The following HDAC8 variants were observed in gnomAD, a reference collection of about 807,000 sequenced individuals.
HDAC8 encodes the protein histone deacetylase 8, also known as histone deacetylase-like 1.
In HDAC8, 1 loss-of-function variant was observed where a neutral mutation model predicts 32.2. The ratio of observed to expected loss-of-function variants is 0.03; its 90% CI spans 0.01 to 0.15. HDAC8 has a LOEUF of 0.15. Ranked by LOEUF, HDAC8 falls within the 10% of genes least tolerant of loss-of-function variation. The probability of loss-of-function intolerance (pLI) is 1.00; values close to 1 mark genes in which losing one functional copy is unlikely to be tolerated. For missense variants in HDAC8, 117 were observed against 300.0 expected (o/e 0.39, Z 4.51); for synonymous variants, 108 against 113.9 (o/e 0.95, Z 0.33).
chrX:72,509,707 C>T (rs782548587), intron 4 of HDAC8, among the ~76,000 whole-genome samples: 3 of 110,826 alleles, frequency 2.7e-5, no homozygotes, highest in East Asian at 2.8e-4. Flanking sequence ...TGGTAGTTGC[C>T]GGGGCAGAGG....
rs1413075261 is a variant in HDAC8 at position 72,413,124 on chromosome X, A to G, written c.1005+48880T>C. 2.9e-5 allele frequency among the ~76,000 whole-genome samples: 3 copies of G among 104,847 alleles called. No homozygotes were observed. In the Admixed American group the frequency reaches 3.0e-4, roughly 11 times the overall value. The allele number at this position is 104,847 out of a possible 115,157, so 91.0% of individuals were successfully genotyped here. On this transcript the variant is annotated intron_variant, in intron 9 of 10. Coordinates refer to ENST00000373573, the MANE Select transcript of HDAC8 (RefSeq NM_018486.3). Reference sequence around the variant, plus strand: ...GTCTGTGTAACTGGTTTTTTTTTTTATTATTATTATACTTTAAGTTTTAGG... The same window carrying G: ...GTCTGTGTAACTGGTTTTTTTTTTTGTTATTATTATACTTTAAGTTTTAGG...
chrX:72,365,454 C>T (rs889902370), intron 9 of HDAC8, among the ~76,000 whole-genome samples: 1 of 111,189 alleles, frequency 9.0e-6, no homozygotes, highest in South Asian at 3.8e-4. Flanking sequence ...AGTCATTTCT[C>T]AAGGGAAATT....
intron 10 of HDAC8, among the ~76,000 whole-genome samples, chrX:72,343,995 G>A (rs1555946016): frequency 6.2e-5 from 7 of 112,474 alleles, no homozygotes. Flanking sequence ...GTCAGTAGAG[G>A]CCAAATGCGG....
chrX:72,348,145 C>T (rs1356759782), intron 10 of HDAC8, among the ~76,000 whole-genome samples: 3 of 112,138 alleles, frequency 2.7e-5, no homozygotes, highest in African/African-American at 9.7e-5. Flanking sequence ...AAAGCCCAAG[C>T]TTAAAGGCTG....
At chrX:72,385,648 G>A (rs2045404266) in intron 9 of HDAC8, among the ~76,000 whole-genome samples, 2 of 111,566 alleles carry the variant, frequency 1.8e-5, no homozygotes, top group African/African-American at 6.5e-5. Flanking sequence ...GGGGAAATAT[G>A]TGATAAGACA....
At chrX:72,565,885 A>ATG (rs782799992) in intron 4 of HDAC8, among the ~76,000 whole-genome samples, 1 of 111,245 alleles carries the variant, frequency 9.0e-6, no homozygotes, top group African/African-American at 3.3e-5. Flanking sequence ...AGTGGCTGTC[A>ATG]TGTGTAATGC....
intron 4 of HDAC8, among the ~76,000 whole-genome samples, chrX:72,552,741 A>G (rs1221211019): frequency 9.2e-6 from 1 of 108,153 alleles, no homozygotes; most frequent in Non-Finnish European, 1.9e-5. Flanking sequence ...GCACAACTGC[A>G]CTCCAGCCTA....
intron 4 of HDAC8, among the ~76,000 whole-genome samples, chrX:72,561,447 T>A (rs950371271): frequency 8.9e-6 from 1 of 112,058 alleles, no homozygotes; most frequent in Non-Finnish European, 1.9e-5. Context: ...GACACCCTAT[T>A]CAACAAATGG....
At chrX:72,345,025 C>G (rs2043988164) in intron 10 of HDAC8, among the ~76,000 whole-genome samples, 1 of 111,578 alleles carries the variant, frequency 9.0e-6, no homozygotes. Context: ...CCCTCACTTA[C>G]AAGTGCATCC....
chrX:72,535,052 C>G (rs945895376), intron 4 of HDAC8, among the ~76,000 whole-genome samples: 4 of 111,761 alleles, frequency 3.6e-5, no homozygotes, highest in Admixed American at 9.5e-5. Flanking sequence ...CCTACCCAAG[C>G]CTGTAGCTTT....
intron 9 of HDAC8, among the ~76,000 whole-genome samples, chrX:72,400,979 A>G (rs1472096465): frequency 8.9e-6 from 1 of 112,582 alleles, no homozygotes; most frequent in Non-Finnish European, 1.9e-5. Context: ...TTACATATTG[A>G]TCAGTTGATG....
At chrX:72,446,634 A>C (rs1342734941) in intron 9 of HDAC8, among the ~76,000 whole-genome samples, 1 of 110,699 alleles carries the variant, frequency 9.0e-6, no homozygotes, top group Non-Finnish European at 1.9e-5. Flanking sequence ...GTGTATACAT[A>C]TGTAACTAAC....
At chrX:72,477,025 G>A (rs2048355344) in intron 7 of HDAC8, among the ~76,000 whole-genome samples, 1 of 111,920 alleles carries the variant, frequency 8.9e-6, no homozygotes, top group African/African-American at 3.2e-5. Flanking sequence ...TTTAAGAAGG[G>A]ACAGAAACAC....
intron 4 of HDAC8, among the ~76,000 whole-genome samples, chrX:72,543,553 C>T (rs1556045938): frequency 9.0e-6 from 1 of 111,308 alleles, no homozygotes; most frequent in African/African-American, 3.3e-5. Context: ...GGGACAATGT[C>T]CCAATGTCCC....
At chrX:72,412,136 AT>A (rs782705142) in intron 9 of HDAC8, among the ~76,000 whole-genome samples, 1 of 112,015 alleles carries the variant, frequency 8.9e-6, no homozygotes, top group Non-Finnish European at 1.9e-5. Context: ...CCACAATGAA[AT>A]AAGAGCACAG....
rs782229191 is a variant in HDAC8 at position 72,456,680 on chromosome X, T to A, written c.1005+5324A>T. On this transcript the variant is annotated intron_variant, in intron 9 of 10. Coordinates refer to ENST00000373573, the MANE Select transcript of HDAC8 (RefSeq NM_018486.3). ...CGGGTGTGGTGGTGCGCGCCTATAG[T>A]CTCAGCTACTGGGGAGGCTGAGGCA... is the stretch of plus-strand genomic sequence containing the variant. Among the ~76,000 whole-genome samples, 8 of 110,823 alleles carry A rather than the reference T, an allele frequency of 7.2e-5. No homozygotes were observed. The South Asian group carries it at 1.2e-3, about 16-fold the overall frequency.
chrX:72,365,080 G>T (rs1187237013), intron 9 of HDAC8, among the ~76,000 whole-genome samples: 1 of 111,750 alleles, frequency 8.9e-6, no homozygotes, highest in Non-Finnish European at 1.9e-5. Flanking sequence ...GGGACCAGAA[G>T]TATTTTGTAT....
chrX:72,543,893 C>G (rs2050782678), intron 4 of HDAC8, among the ~76,000 whole-genome samples: 1 of 112,727 alleles, frequency 8.9e-6, no homozygotes. Flanking sequence ...GCACAAGTGA[C>G]TGCAGATCCT....
intron 9 of HDAC8, among the ~76,000 whole-genome samples, chrX:72,366,647 C>T (rs1210494545): frequency 2.7e-5 from 3 of 112,250 alleles, no homozygotes; most frequent in Non-Finnish European, 5.6e-5. Context: ...ATGGGCCTGG[C>T]ACATAGTAGG....
Sources: allele counts gnomAD v4.1 joint callset (sites outside exome capture counted in the v4.1 genomes callset), GRCh38; gene constraint gnomAD v4.1.1; transcripts MANE v1.5; gene names NCBI Gene and HGNC (gene_info 2026-07-23, HGNC 2026-07-21).